PRICKLE2: variants seen among roughly 807,000 people sequenced by gnomAD.
The protein encoded by PRICKLE2 is prickle-like protein 2.
In PRICKLE2, 21 loss-of-function variants were observed where a neutral mutation model predicts 81.4. That is an observed-to-expected ratio of 0.26 (90% CI 0.18 to 0.37). The LOEUF is 0.37. Ranked by LOEUF, PRICKLE2 falls within the 10% of genes least tolerant of loss-of-function variation. The pLI, the probability that PRICKLE2 is intolerant of heterozygous loss-of-function variation, is 1.00. For missense variants in PRICKLE2, 940 were observed against 1,109.0 expected, an observed-to-expected ratio of 0.85 and a Z score of 2.16; for synonymous variants, 456 against 421.5, an observed-to-expected ratio of 1.08 and a Z score of -1.00.
At chr3:64,123,670 C>G (rs983914700) in intron 7 of PRICKLE2, among the ~76,000 whole-genome samples, 1 of 152,114 alleles carries the variant, frequency 6.6e-6, no homozygotes, top group Non-Finnish European at 1.5e-5. Context: ...ATTATTATAT[C>G]TATTATGGTC....
At chr3:64,100,213 T>A in intron 7 of PRICKLE2, 1 of 470,214 alleles carries the variant, frequency 2.1e-6, no homozygotes, top group East Asian at 3.8e-5. Context: ...CCACTGTGTA[T>A]CCTATGTATG....
intron 7 of PRICKLE2, among the ~76,000 whole-genome samples, chr3:64,103,867 C>G (rs919265356): frequency 4.6e-5 from 7 of 152,088 alleles, no homozygotes; most frequent in Non-Finnish European, 8.8e-5. Flanking sequence ...GTAGTCCCAG[C>G]TACTTGGGAG....
rs532387838 is a variant in PRICKLE2 at position 64,096,931 on chromosome 3, A to T, written c.*2120T>A. On this transcript the variant is annotated 3_prime_UTR_variant, in exon 8 of 8. Transcript: ENST00000638394. ...CAAAATTGCCTTTTTAGTTTCATCA[A>T]TCAAGGAACTTAAAACTCCAAATTG... 6.6e-6 allele frequency: 1 copy of T among 152,588 alleles called. No homozygotes were observed. Among genetic ancestry groups the T allele is most frequent in the Non-Finnish European group, 1.5e-5 (1 of 68,040 alleles). The allele number at this position is 152,588 out of a possible 1,614,324, so 9.5% of individuals were successfully genotyped here. A position where few individuals can be genotyped will look rare whatever the true frequency, so the allele number is the denominator to read the frequency against.
At chr3:64,215,849 A>G (rs565194803) in intron 1 of PRICKLE2, among the ~76,000 whole-genome samples, 2 of 152,384 alleles carry the variant, frequency 1.3e-5, no homozygotes, top group East Asian at 1.9e-4. Flanking sequence ...AATGTCAAGT[A>G]TTTGAAAGAA....
chr3:64,179,242 A>C (rs1206598262), intron 2 of PRICKLE2, among the ~76,000 whole-genome samples: 1 of 151,590 alleles, frequency 6.6e-6, no homozygotes, highest in Non-Finnish European at 1.5e-5. Flanking sequence ...ATGCCTGGCT[A>C]ATTTCGTATT....
Position 64,098,103 on chromosome 3 carries a change from C to G in PRICKLE2, c.*948G>C, listed in dbSNP as rs993793171. ...GAGCACCAGAACATAATGCCACATT[C>G]AAAACAACGTCATGCTGACATCACA... On this transcript the variant is annotated 3_prime_UTR_variant, in exon 8 of 8. Transcript: ENST00000638394. 2 of 152,686 alleles carry G rather than the reference C, an allele frequency of 1.3e-5. No homozygotes were observed. Among genetic ancestry groups the G allele is most frequent in the Non-Finnish European group, 2.9e-5 (2 of 68,056 alleles). 9.5% of individuals were successfully genotyped at this position (152,686 alleles called of 1,614,324 possible).
At chr3:64,207,431 T>C (rs530492678) in intron 1 of PRICKLE2, among the ~76,000 whole-genome samples, 2 of 152,220 alleles carry the variant, frequency 1.3e-5, no homozygotes, top group African/African-American at 4.8e-5. Flanking sequence ...TTTCCCTTAG[T>C]GTTAAGAAAC....
intron 2 of PRICKLE2, among the ~76,000 whole-genome samples, chr3:64,164,943 A>G (rs992134689): frequency 1.3e-5 from 2 of 152,180 alleles, no homozygotes; most frequent in Admixed American, 6.5e-5. Flanking sequence ...GCCAGGTATA[A>G]AAAAGCACGC....
intron 1 of PRICKLE2, among the ~76,000 whole-genome samples, chr3:64,216,607 C>A (rs2107142942): frequency 6.6e-6 from 1 of 152,280 alleles, no homozygotes; most frequent in Non-Finnish European, 1.5e-5. Context: ...GATTTAAAAC[C>A]ATTTTTAAGC....
At chr3:64,205,713 T>C (rs547159592) in intron 1 of PRICKLE2, among the ~76,000 whole-genome samples, 12 of 152,346 alleles carry the variant, frequency 7.9e-5, no homozygotes, top group South Asian at 6.2e-4. Flanking sequence ...GCCTGTTTTT[T>C]ACTTTTCTGT....
At chr3:64,253,713 G>T (rs566825317) in intron 2 of PRICKLE2, among the ~76,000 whole-genome samples, 2 of 152,226 alleles carry the variant, frequency 1.3e-5, no homozygotes, top group African/African-American at 4.8e-5. Flanking sequence ...CTTATTTAAA[G>T]AATTCTTAAA....
intron 2 of PRICKLE2, among the ~76,000 whole-genome samples, chr3:64,173,176 T>C (rs944794025): frequency 1.3e-5 from 2 of 152,154 alleles, no homozygotes; most frequent in Admixed American, 6.6e-5. Flanking sequence ...AAAGCCATAA[T>C]AGGTAGACAA....
intron 6 of PRICKLE2, 22 bp downstream of exon 6, chr3:64,153,160 T>C: frequency 6.2e-7 from 1 of 1,612,986 alleles, no homozygotes; most frequent in Non-Finnish European, 8.5e-7. Context: ...AGGACCAAGC[T>C]GACTGCCAAA....
intron 7 of PRICKLE2, among the ~76,000 whole-genome samples, chr3:64,137,600 C>T (rs553889862): frequency 6.6e-6 from 1 of 152,282 alleles, no homozygotes; most frequent in South Asian, 2.1e-4. Flanking sequence ...AGGGAGACCA[C>T]AACATTGTAG....
chr3:64,142,970 C>T (rs1447491758), intron 7 of PRICKLE2, among the ~76,000 whole-genome samples: 1 of 152,020 alleles, frequency 6.6e-6, no homozygotes, highest in East Asian at 1.9e-4. Flanking sequence ...GATCTCATCC[C>T]AGCAAGTGTG....
intron 1 of PRICKLE2, chr3:64,200,938 T>A (rs1281962952): frequency 1.3e-5 from 2 of 150,550 alleles, no homozygotes; most frequent in African/African-American, 4.9e-5. Flanking sequence ...TAATTTTTTT[T>A]TTTTTTTTTG....
chr3:64,128,583 TAAAAATACA>T (rs1269745484), intron 7 of PRICKLE2, among the ~76,000 whole-genome samples: 1 of 151,878 alleles, frequency 6.6e-6, no homozygotes, highest in Non-Finnish European at 1.5e-5. Context: ...CCATCTCTAC[TAAAAATACA>T]AAAAATTAGC....
At chr3:64,110,284 A>T (rs1356920831) in intron 7 of PRICKLE2, among the ~76,000 whole-genome samples, 1 of 152,196 alleles carries the variant, frequency 6.6e-6, no homozygotes, top group African/African-American at 2.4e-5. Flanking sequence ...CTTGGGAAAC[A>T]CTTGACTACA....
At chr3:64,157,867 C>T (rs2077663968) in intron 4 of PRICKLE2, among the ~76,000 whole-genome samples, 1 of 152,204 alleles carries the variant, frequency 6.6e-6, no homozygotes, top group Non-Finnish European at 1.5e-5. Flanking sequence ...ACTACCTTCT[C>T]TGTGTGCCTT....
Sources: allele counts gnomAD v4.1 joint callset (sites outside exome capture counted in the v4.1 genomes callset), GRCh38; gene constraint gnomAD v4.1.1; transcripts MANE v1.5; gene names NCBI Gene and HGNC (gene_info 2026-07-23, HGNC 2026-07-21).